DOCK1: variants seen among roughly 807,000 people sequenced by gnomAD.
DOCK1 encodes dedicator of cytokinesis 1.
DOCK1 carries 138 observed loss-of-function variants against 262.7 expected under a neutral mutation model. The observed-to-expected ratio is 0.53, with a 90% confidence interval of 0.46 to 0.61. DOCK1 has a LOEUF of 0.61. DOCK1 is among the 20% of genes least tolerant of loss of function. DOCK1 has a pLI of 0.00. For missense variants in DOCK1, 1,908 were observed against 2,370.7 expected (o/e 0.80, Z 4.05); for synonymous variants, 866 against 867.4 (o/e 1.00, Z 0.03).
chr10:127,225,145 T>TA (rs902164250), intron 27 of DOCK1, among the ~76,000 whole-genome samples: 1 of 152,200 alleles, frequency 6.6e-6, no homozygotes, highest in African/African-American at 2.4e-5. Flanking sequence ...GTGCCAAAAA[T>TA]ATAGAAAGTA....
chr10:127,336,014 C>G (rs2063176640), intron 29 of DOCK1, among the ~76,000 whole-genome samples: 1 of 151,968 alleles, frequency 6.6e-6, no homozygotes, highest in South Asian at 2.1e-4. Flanking sequence ...CCATGCCCAG[C>G]CTGTAATTTT....
intron 16 of DOCK1, among the ~76,000 whole-genome samples, chr10:127,027,119 G>C (rs1364279057): frequency 1.3e-5 from 2 of 151,164 alleles, no homozygotes; most frequent in African/African-American, 4.8e-5. Flanking sequence ...AAATGACAAA[G>C]AGAGTTGGCT....
At chr10:127,278,085 C>T (rs928816471) in intron 29 of DOCK1, among the ~76,000 whole-genome samples, 11 of 152,202 alleles carry the variant, frequency 7.2e-5, no homozygotes, top group African/African-American at 2.7e-4. Flanking sequence ...CACATGATCA[C>T]ATCACTAGGG....
At chr10:126,945,052 T>A (rs2035289432) in intron 1 of DOCK1, among the ~76,000 whole-genome samples, 1 of 152,052 alleles carries the variant, frequency 6.6e-6, no homozygotes. Flanking sequence ...TCAGTCAAGC[T>A]GGTCTCCAAC....
rs1051979045 is a variant in DOCK1, at chr10:126,940,884, G to A, written c.47-29818G>A. On this transcript the variant is annotated intron_variant, in intron 1 of 51. Coordinates refer to ENST00000623213, the MANE Select transcript of DOCK1 (RefSeq NM_001290223.2). Reference sequence around the variant, plus strand: ...CTATCTTATCAGGGAAATCAAAAGCGTCTATTGAATTACAGTGACTCTATT... The same window carrying A: ...CTATCTTATCAGGGAAATCAAAAGCATCTATTGAATTACAGTGACTCTATT... Among the ~76,000 whole-genome samples the A allele has an allele frequency of 4.5e-3, 681 of 152,274 alleles. 5 individuals carry two copies. Among genetic ancestry groups the A allele is most frequent in the African/African-American group, 0.016 (648 of 41,554 alleles).
At chr10:127,117,169 A>T (rs1473470308) in intron 25 of DOCK1, among the ~76,000 whole-genome samples, 1 of 152,326 alleles carries the variant, frequency 6.6e-6, no homozygotes, top group Admixed American at 6.5e-5. Context: ...AATTCATTGA[A>T]TATCTTCCGT....
intron 27 of DOCK1, among the ~76,000 whole-genome samples, chr10:127,169,793 TTAAGTA>T (rs1159514514): frequency 6.6e-6 from 1 of 152,220 alleles, no homozygotes; most frequent in Non-Finnish European, 1.5e-5. Flanking sequence ...TCCTTACCTC[TTAAGTA>T]TGTGTATGTG....
intron 31 of DOCK1, among the ~76,000 whole-genome samples, chr10:127,349,567 G>T (rs988642529): frequency 6.6e-6 from 1 of 152,130 alleles, no homozygotes; most frequent in South Asian, 2.1e-4. Context: ...GATTGGGTCA[G>T]AATATTCACT....
intron 22 of DOCK1, among the ~76,000 whole-genome samples, chr10:127,059,805 C>T (rs1038373465): frequency 6.6e-6 from 1 of 151,828 alleles, no homozygotes; most frequent in African/African-American, 2.4e-5. Context: ...TCTCTTTTTC[C>T]TCTTTCACTT....
At chr10:127,337,010 G>C (rs889103486) in intron 29 of DOCK1, among the ~76,000 whole-genome samples, 1 of 152,102 alleles carries the variant, frequency 6.6e-6, no homozygotes, top group African/African-American at 2.4e-5. Flanking sequence ...TTGTCATAGA[G>C]GGCTGGAAAG....
chr10:127,255,279 G>A (rs2059791980), intron 28 of DOCK1, among the ~76,000 whole-genome samples: 1 of 152,090 alleles, frequency 6.6e-6, no homozygotes, highest in Admixed American at 6.6e-5. Flanking sequence ...GCACACCTGT[G>A]GTCCCAGGAT....
chr10:127,388,748 G>T (rs555105415), intron 38 of DOCK1, among the ~76,000 whole-genome samples: 2 of 152,208 alleles, frequency 1.3e-5, no homozygotes, highest in Non-Finnish European at 2.9e-5. Context: ...AAATGACAGT[G>T]TTCATGTCAT....
chr10:127,136,002 A>G (rs1275772364), intron 27 of DOCK1: 1 of 152,678 alleles, frequency 6.5e-6, no homozygotes, highest in Admixed American at 6.5e-5. Flanking sequence ...TTCATGTTAC[A>G]GGATCAACTT....
intron 2 of DOCK1, among the ~76,000 whole-genome samples, chr10:126,972,919 C>T (rs181209322): frequency 6.6e-4 from 100 of 151,562 alleles, no homozygotes; most frequent in African/African-American, 1.7e-3. Context: ...GCTTGTTTTC[C>T]GTGTTTACAG....
intron 2 of DOCK1, among the ~76,000 whole-genome samples, chr10:126,975,132 T>C (rs2038419884): frequency 6.6e-6 from 1 of 152,152 alleles, no homozygotes; most frequent in Non-Finnish European, 1.5e-5. Context: ...GTTCTGTTTT[T>C]TATTTTCCCT....
intron 3 of DOCK1, among the ~76,000 whole-genome samples, chr10:126,979,823 C>A (rs977232736): frequency 6.6e-6 from 1 of 152,188 alleles, no homozygotes; most frequent in Non-Finnish European, 1.5e-5. Context: ...GGAATCCTGG[C>A]ACCACGTGTC....
chr10:127,163,967 C>A (rs185083838), intron 27 of DOCK1, among the ~76,000 whole-genome samples: 2 of 151,884 alleles, frequency 1.3e-5, no homozygotes, highest in African/African-American at 4.8e-5. Context: ...GAGGCTCTGG[C>A]TGTTAGGGAA....
chr10:127,151,692 C>G (rs549144989), intron 27 of DOCK1, among the ~76,000 whole-genome samples: 1 of 152,178 alleles, frequency 6.6e-6, no homozygotes, highest in Non-Finnish European at 1.5e-5. Context: ...ATTTTCCCTG[C>G]TCGTATGAGA....
Position 127,446,330 on chromosome 10 carries a change from T to C in DOCK1, c.5414-1064T>C, listed in dbSNP as rs1003421925. ...GAGAGAGGAGTGGAGAGTTACTGTT[T>C]AATGGGTACAGAATTCCGTTTGGGG... On this transcript the variant is annotated intron_variant, in intron 50 of 51. Transcript: ENST00000623213. This position sits in a 1 kb window ranked among gnomAD's most constrained non-coding sequence, Gnocchi z 4.4. Among the ~76,000 whole-genome samples, 1 of 152,050 alleles carries C rather than the reference T, an allele frequency of 6.6e-6. No homozygotes were observed. The highest frequency in any genetic ancestry group is 2.4e-5 in the African/African-American group (1 of 41,382).
Sources: gnomAD v4.1 joint callset for allele counts (sites outside exome capture counted in the v4.1 genomes callset) on GRCh38, gnomAD v4.1.1 for gene constraint, Gnocchi (gnomAD v3.1) non-coding constraint, MANE v1.5 for transcripts, NCBI Gene and HGNC (gene_info 2026-07-23, HGNC 2026-07-21) for gene names.